Variants in EYA1 observed in about 807,000 individuals in gnomAD.
EYA1 encodes the protein protein phosphatase EYA1.
In EYA1, 16 loss-of-function variants were observed where a neutral mutation model predicts 82.0. The observed-to-expected ratio is 0.20, with a 90% CI of 0.13 to 0.30. EYA1 has a LOEUF of 0.30. EYA1 is among the 10% of genes least tolerant of loss of function. The pLI, the probability that EYA1 is intolerant of heterozygous loss-of-function variation, is 1.00. For synonymous variants in EYA1, 261 were observed against 264.4 expected, an observed-to-expected ratio of 0.99 and a Z score of 0.12; for missense variants, 633 against 730.7, an observed-to-expected ratio of 0.87 and a Z score of 1.54.
chr8:71,239,971 T>C (rs1391866217), intron 12 of EYA1, among the ~76,000 whole-genome samples: 1 of 152,184 alleles, frequency 6.6e-6, no homozygotes, highest in African/African-American at 2.4e-5. Flanking sequence ...TTCTTAACAT[T>C]GGCGTAACTG....
At chr8:71,508,467 G>GCAACA (rs1812359622) in intron 2 of EYA1, among the ~76,000 whole-genome samples, 1 of 152,166 alleles carries the variant, frequency 6.6e-6, no homozygotes, top group Admixed American at 6.5e-5. Context: ...AGGACACTGT[G>GCAACA]TAGGGTTGCT....
rs185071246 is a variant in EYA1 at position 71,504,777 on chromosome 8, T to A, written c.33+30967A>T. On this transcript the variant is annotated intron_variant, in intron 2 of 18. Coordinates refer to the EYA1 transcript ENST00000643681. The stretch of plus-strand genomic sequence containing the variant: ...CCACACTTCTACCTTCTTGAGATAA[T>A]GACTGCTTTTTGCTGTTGTTTTGTT... Among the ~76,000 whole-genome samples the A allele has an allele frequency of 2.6e-5, 4 of 152,280 alleles. No individual in the cohort carries two copies. The East Asian group carries it at 5.8e-4, about 22-fold the overall frequency.
intron 17 of EYA1, among the ~76,000 whole-genome samples, chr8:71,210,088 C>T (rs1012787175): frequency 1.3e-5 from 2 of 152,082 alleles, no homozygotes; most frequent in African/African-American, 4.8e-5. Flanking sequence ...CATTTATAGA[C>T]AAGGAAAGGG....
intron 16 of EYA1, among the ~76,000 whole-genome samples, chr8:71,214,615 G>C (rs1439820898): frequency 6.6e-6 from 1 of 152,194 alleles, no homozygotes; most frequent in African/African-American, 2.4e-5. Context: ...CCTTGTGTTT[G>C]TGAACTATTG....
intron 2 of EYA1, among the ~76,000 whole-genome samples, chr8:71,425,281 C>A: frequency 8.9e-6 from 1 of 112,794 alleles, no homozygotes. Flanking sequence ...GAGGGAGACT[C>A]CGTCTCAAAG....
chr8:71,231,075 T>A (rs566643975), intron 12 of EYA1, among the ~76,000 whole-genome samples: 7 of 152,324 alleles, frequency 4.6e-5, no homozygotes, highest in Non-Finnish European at 1.0e-4. Context: ...TATCTCTACC[T>A]TATTGCTCAA....
At chr8:71,411,635 T>C (rs2129140771) in intron 2 of EYA1, among the ~76,000 whole-genome samples, 1 of 151,762 alleles carries the variant, frequency 6.6e-6, no homozygotes, top group East Asian at 1.9e-4. Context: ...AAAATGCTCA[T>C]CATCACTGGC....
At chr8:71,528,614 C>T (rs1813995157) in intron 2 of EYA1, among the ~76,000 whole-genome samples, 1 of 152,078 alleles carries the variant, frequency 6.6e-6, no homozygotes, top group African/African-American at 2.4e-5. Flanking sequence ...TCATCTTAAC[C>T]CTGTGAATGT....
At chr8:71,512,960 A>C (rs1253372301) in intron 2 of EYA1, among the ~76,000 whole-genome samples, 2 of 152,186 alleles carry the variant, frequency 1.3e-5, no homozygotes, top group African/African-American at 4.8e-5. Flanking sequence ...ATATCTAACC[A>C]TACACAAGGT....
Position 71,428,048 on chromosome 8 carries a change from A to G in EYA1, c.34-71537T>C, listed in dbSNP as rs1563604506. On this transcript the variant is annotated intron_variant, in intron 2 of 18. Coordinates refer to the EYA1 transcript ENST00000643681. ...CATATGGGTGAGTCTGGAACGAGGC[A>G]TATGGGTGAGTCTGCATTGGCTCCT... Among the ~76,000 whole-genome samples, 6 of 151,970 alleles carry G rather than the reference A, an allele frequency of 3.9e-5. 1 individual carries two copies. The South Asian group carries it at 1.0e-3, about 26-fold the overall frequency.
chr8:71,368,649 T>A (rs1350378212), intron 2 of EYA1, among the ~76,000 whole-genome samples: 1 of 152,154 alleles, frequency 6.6e-6, no homozygotes, highest in African/African-American at 2.4e-5. Flanking sequence ...CATTTTAAAT[T>A]TGCAGTATCG....
chr8:71,493,031 T>G (rs563935663), intron 2 of EYA1, among the ~76,000 whole-genome samples: 1 of 152,230 alleles, frequency 6.6e-6, no homozygotes, highest in Non-Finnish European at 1.5e-5. Flanking sequence ...TTTCTATTCC[T>G]GTGTTAATCT....
chr8:71,269,653 A>G, intron 11 of EYA1, 87 bp downstream of exon 11: 1 of 940,750 alleles, frequency 1.1e-6, no homozygotes, highest in East Asian at 2.5e-5. Flanking sequence ...AATTTGTTAA[A>G]GTTAAATTAC....
intron 3 of EYA1, among the ~76,000 whole-genome samples, chr8:71,354,198 C>T (rs958617344): frequency 2.0e-5 from 3 of 151,950 alleles, no homozygotes; most frequent in African/African-American, 7.2e-5. Context: ...TTAAAGTATA[C>T]TAATCTTTAA....
chr8:71,473,442 T>C (rs1809395121), intron 2 of EYA1, among the ~76,000 whole-genome samples: 2 of 150,366 alleles, frequency 1.3e-5, no homozygotes, highest in South Asian at 4.2e-4. Flanking sequence ...AAAAAACATA[T>C]GAAAAAAAGC....
At chr8:71,481,453 G>T (rs1810152346) in intron 2 of EYA1, among the ~76,000 whole-genome samples, 1 of 152,162 alleles carries the variant, frequency 6.6e-6, no homozygotes, top group Admixed American at 6.5e-5. Context: ...TTGACTGCAA[G>T]AACTTATTTT....
At chr8:71,510,363 G>A (rs1812505042) in intron 2 of EYA1, among the ~76,000 whole-genome samples, 1 of 152,138 alleles carries the variant, frequency 6.6e-6, no homozygotes, top group Admixed American at 6.6e-5. Flanking sequence ...AAGTCACTGA[G>A]ATTTTGAGTT....
At chr8:71,281,104 T>C (rs1406679887) in intron 9 of EYA1, among the ~76,000 whole-genome samples, 1 of 152,144 alleles carries the variant, frequency 6.6e-6, no homozygotes, top group African/African-American at 2.4e-5. Flanking sequence ...TTAAAAACAA[T>C]CTTTGAAACA....
chr8:71,421,642 C>A (rs949318498), intron 2 of EYA1, among the ~76,000 whole-genome samples: 14 of 152,124 alleles, frequency 9.2e-5, no homozygotes, highest in African/African-American at 3.4e-4. Context: ...TGATGCAGCC[C>A]TTTGAACAGC....
Sources: gnomAD v4.1 joint callset for allele counts (sites outside exome capture counted in the v4.1 genomes callset) on GRCh38, gnomAD v4.1.1 for gene constraint, MANE v1.5 for transcripts, NCBI Gene and HGNC (gene_info 2026-07-23, HGNC 2026-07-21) for gene names.